PLEKHG1: variants seen among roughly 807,000 people sequenced by gnomAD.
The protein encoded by PLEKHG1 is pleckstrin homology domain-containing family G member 1.
PLEKHG1 carries 44 observed loss-of-function variants against 100.8 expected under a neutral mutation model. The ratio of observed to expected loss-of-function variants is 0.44; its 90% CI spans 0.34 to 0.56. PLEKHG1 has a LOEUF of 0.56. Among genes scored for constraint, PLEKHG1 ranks in the 20% least tolerant of loss-of-function variants. The probability of loss-of-function intolerance (pLI) is 0.01; values close to 1 mark genes in which losing one functional copy is unlikely to be tolerated. For synonymous variants in PLEKHG1, 640 were observed against 662.5 expected (o/e 0.97, Z 0.52); for missense variants, 1,545 against 1,720.9 (o/e 0.90, Z 1.81).
intron 15 of PLEKHG1, among the ~76,000 whole-genome samples, chr6:150,833,869 C>T (rs1249871579): frequency 6.6e-6 from 1 of 152,178 alleles, no homozygotes; most frequent in Non-Finnish European, 1.5e-5. Flanking sequence ...TCATTATCAG[C>T]ACATTGGGAC....
At position 150,600,250 on chromosome 6, in the gene PLEKHG1, C is replaced by T. The variant is rs1776281607; in HGVS notation, c.-204+233C>T. Among the ~76,000 whole-genome samples the T allele has an allele frequency of 6.7e-6, 1 of 149,058 alleles. No homozygotes were observed. Among genetic ancestry groups the T allele is most frequent in the African/African-American group, 2.5e-5 (1 of 40,410 alleles). Reference sequence around the variant, plus strand: ...CACCGCGCGGTGGGGACGGAGGGCGCTGGGGGGCGCCGCGTCTCGGGGGTC... The same window carrying T: ...CACCGCGCGGTGGGGACGGAGGGCGTTGGGGGGCGCCGCGTCTCGGGGGTC... On this transcript the variant is annotated intron_variant, in intron 1 of 3. Coordinates refer to the PLEKHG1 transcript ENST00000367326. This position sits in a 1 kb window ranked among gnomAD's most constrained non-coding sequence, Gnocchi z 6.2.
chr6:150,806,061 A>C (rs1157915950), intron 7 of PLEKHG1, among the ~76,000 whole-genome samples: 1 of 152,076 alleles, frequency 6.6e-6, no homozygotes, highest in African/African-American at 2.4e-5. Context: ...GTGACTCCAC[A>C]CTATACAGAG....
chr6:150,828,311 T>C (rs1292154778), intron 14 of PLEKHG1: 1 of 1,612,030 alleles, frequency 6.2e-7, no homozygotes, highest in South Asian at 1.1e-5. Context: ...AAGAAGCCGA[T>C]TGAAGACGTG....
chr6:150,715,142 C>T (rs73016136), intron 3 of PLEKHG1, among the ~76,000 whole-genome samples: 1,940 of 152,140 alleles, frequency 0.013, 25 homozygotes, highest in Middle Eastern at 0.017. Context: ...AACTCACTTG[C>T]CACTAAAATT....
chr6:150,777,981 T>C (rs1265608595), intron 3 of PLEKHG1, among the ~76,000 whole-genome samples: 1 of 152,258 alleles, frequency 6.6e-6, no homozygotes, highest in Non-Finnish European at 1.5e-5. Context: ...GTGCTCCCAT[T>C]GTACTTTGCG....
At chr6:150,798,784 A>C (rs1340389673) in intron 5 of PLEKHG1, among the ~76,000 whole-genome samples, 1 of 152,226 alleles carries the variant, frequency 6.6e-6, no homozygotes, top group Admixed American at 6.5e-5. Context: ...TCTGTTGCCC[A>C]GGTTGAAGTG....
rs775732387 is a variant in PLEKHG1 at position 150,819,673 on chromosome 6, T to G, written c.1313-6T>G. 24 of 1,588,540 alleles carry G rather than the reference T, an allele frequency of 1.5e-5. No homozygotes were observed. The highest frequency in any genetic ancestry group is 3.5e-6 in the Non-Finnish European group (4 of 1,156,798). ...GTCCCACTGATGCACGTGGTTATCT[T>G]TACAGATCATCCAGGCTTCTGTTAC... On this transcript the variant is annotated splice_region_variant and splice_polypyrimidine_tract_variant and intron_variant, in intron 11 of 15. Coordinates refer to ENST00000358517, the Ensembl canonical transcript of PLEKHG1.
intron 1 of PLEKHG1, among the ~76,000 whole-genome samples, chr6:150,621,772 A>G: frequency 6.6e-6 from 1 of 152,242 alleles, no homozygotes; most frequent in East Asian, 1.9e-4. Context: ...ACGGACCATT[A>G]GTGACCTATT....
chr6:150,734,025 A>T (rs775088312), exon 2 of PLEKHG1: 12 of 1,614,080 alleles, frequency 7.4e-6, no homozygotes, highest in Non-Finnish European at 1.0e-5. Context: ...CTCTATGTGG[A>T]TAGAGTTGTT....
At chr6:150,791,356 G>T (rs1785969269) in intron 4 of PLEKHG1, among the ~76,000 whole-genome samples, 1 of 152,032 alleles carries the variant, frequency 6.6e-6, no homozygotes. Flanking sequence ...GAAGGGAAAA[G>T]AATAGAGGTT....
At chr6:150,765,911 A>G (rs1251772731) in intron 2 of PLEKHG1, among the ~76,000 whole-genome samples, 4 of 152,184 alleles carry the variant, frequency 2.6e-5, no homozygotes, top group Non-Finnish European at 4.4e-5. Context: ...AGCAGCAAAC[A>G]GTTTGCAAAT....
At chr6:150,655,581 G>A (rs1006186495) in intron 3 of PLEKHG1, among the ~76,000 whole-genome samples, 39 of 151,874 alleles carry the variant, frequency 2.6e-4, no homozygotes, top group Non-Finnish European at 4.1e-4. Context: ...GGTGGCGGGC[G>A]CCTGTAGTCT....
chr6:150,712,926 A>G (rs1781290719), intron 3 of PLEKHG1, among the ~76,000 whole-genome samples: 1 of 152,248 alleles, frequency 6.6e-6, no homozygotes, highest in Admixed American at 6.5e-5. Flanking sequence ...GGGAAAGAGA[A>G]TTTAGGAAAA....
intron 1 of PLEKHG1, among the ~76,000 whole-genome samples, chr6:150,724,051 C>G (rs1781834713): frequency 6.6e-6 from 1 of 152,138 alleles, no homozygotes. Flanking sequence ...TCAGGATAAC[C>G]AGACTTTTAA....
At chr6:150,779,800 A>G (rs1226335580) in intron 3 of PLEKHG1, among the ~76,000 whole-genome samples, 5 of 151,702 alleles carry the variant, frequency 3.3e-5, no homozygotes, top group African/African-American at 7.2e-5. Flanking sequence ...CCCTGTCTCT[A>G]CTAAAAATAC....
chr6:150,820,341 A>G (rs1776225744), intron 12 of PLEKHG1, among the ~76,000 whole-genome samples: 1 of 152,202 alleles, frequency 6.6e-6, no homozygotes, highest in Non-Finnish European at 1.5e-5. Context: ...CTAATGAAAA[A>G]TCACGTCCTA....
chr6:150,745,059 A>C (rs545872668), intron 2 of PLEKHG1, among the ~76,000 whole-genome samples: 16 of 152,340 alleles, frequency 1.1e-4, no homozygotes, highest in Middle Eastern at 3.4e-3. Context: ...TAATGACAGC[A>C]ATGTGTTCTG....
intron 10 of PLEKHG1, among the ~76,000 whole-genome samples, chr6:150,817,544 AAG>A (rs1776041297): frequency 6.7e-6 from 1 of 148,942 alleles, no homozygotes; most frequent in Admixed American, 6.8e-5. Flanking sequence ...GTTGGGTGGC[AAG>A]AATCTGCATT....
chr6:150,723,690 A>G (rs185818344), intron 1 of PLEKHG1, among the ~76,000 whole-genome samples: 15 of 152,292 alleles, frequency 9.8e-5, no homozygotes, highest in African/African-American at 2.9e-4. Flanking sequence ...GAATTGTAGC[A>G]GCTGTATCAT....
Sources: allele counts gnomAD v4.1 joint callset (sites outside exome capture counted in the v4.1 genomes callset), GRCh38; gene constraint gnomAD v4.1.1; non-coding constraint Gnocchi (gnomAD v3.1); transcripts MANE v1.5; gene names NCBI Gene and HGNC (gene_info 2026-07-23, HGNC 2026-07-21).